Variants in SLC19A1 observed in about 807,000 individuals in gnomAD.
SLC19A1 encodes reduced folate transporter.
A neutral mutation model predicts 35.3 loss-of-function variants in SLC19A1; 37 were observed. The ratio of observed to expected loss-of-function variants is 1.05; its 90% CI spans 0.81 to 1.38. The LOEUF is 1.38. Ranked by LOEUF, SLC19A1 falls within the 40% of genes most tolerant of loss-of-function variation. The pLI, the probability that SLC19A1 is intolerant of heterozygous loss-of-function variation, is 0.00. For missense variants in SLC19A1, 831 were observed against 826.9 expected (o/e 1.00, Z -0.06); for synonymous variants, 460 against 398.5 (o/e 1.15, Z -1.84).
rs193252382 is a variant in SLC19A1 at position 45,504,235 on chromosome 21, T to C, written c.498-5623A>G. ...GATGTTCCTGTCCCCGGCTCAGTTT[T>C]TGGGGGACTCGGCTGATGCAGTGGG... On this transcript the variant is annotated intron_variant, in intron 3 of 4. Transcript: ENST00000417954. 4.5e-3 allele frequency: 4,017 copies of C among 901,032 alleles called. 43 individuals carry two copies. Among genetic ancestry groups the C allele is most frequent in the African/African-American group, 0.011 (651 of 60,110 alleles). 55.8% of individuals were successfully genotyped at this position (901,032 alleles called of 1,614,324 possible).
At position 45,531,516 on chromosome 21, in the gene SLC19A1, C is replaced by T; in HGVS notation, c.822G>A (p.Trp274Ter). 2 of 1,612,684 alleles carry T rather than the reference C, an allele frequency of 1.2e-6. No homozygotes were observed. Among genetic ancestry groups the T allele is most frequent in the Non-Finnish European group, 1.7e-6 (2 of 1,179,762 alleles). ...GGTAGTAGCCGGCCGAGTTGAAGAC[C>T]CACCAGAGGGACCACAGGCGCAGCT... ...RPQLRLWSLW[W>*]VFNSAGYYLV... The change falls in exon 3 of 6, where the codon TGG (tryptophan) becomes TGA (stop). Residue 274 changes from tryptophan to a stop codon, truncating the protein, a stop_gained. Coordinates refer to ENST00000311124, the MANE Select transcript of SLC19A1 (RefSeq NM_194255.4). LOFTEE classifies it high-confidence loss of function.
chr21:45,527,939 TTA>T (rs1491248476), intron 4 of SLC19A1, among the ~76,000 whole-genome samples: 1 of 95,188 alleles, frequency 1.1e-5, no homozygotes, highest in Non-Finnish European at 2.3e-5. Context: ...TGCAAAGTGC[TTA>T]AAAAAAAAAA....
chr21:45,506,285 C>T (rs189132273), intron 3 of SLC19A1: 231 of 383,308 alleles, frequency 6.0e-4, no homozygotes, highest in Admixed American at 2.9e-3. Context: ...AGGCGCCTGA[C>T]GGGACGAGGC....
At chr21:45,512,269 G>C, downstream of SLC19A1, 1 of 1,611,838 alleles carries the variant, frequency 6.2e-7, no homozygotes, top group South Asian at 1.1e-5. Flanking sequence ...GGCGGACGGA[G>C]GCTCCCTCGG....
At chr21:45,552,383 C>A (rs928959567) in intron 1 of SLC19A1, among the ~76,000 whole-genome samples, 4 of 152,102 alleles carry the variant, frequency 2.6e-5, no homozygotes, top group African/African-American at 9.7e-5. Flanking sequence ...CAGGGAGACC[C>A]ACAGGCTGTG....
chr21:45,540,619 C>T lies in SLC19A1; in HGVS notation c.-50+1749G>A, dbSNP rs1257106412. Among the ~76,000 whole-genome samples, 2 of 152,218 alleles carry T rather than the reference C, an allele frequency of 1.3e-5. No homozygotes were observed. Among genetic ancestry groups the T allele is most frequent in the African/African-American group, 4.8e-5 (2 of 41,462 alleles). ...GCTTGGCCATCACGGCCCAGACCAC[C>T]TCCAAGAGGAAAGATAGGGAACTTG... On this transcript the variant is annotated intron_variant, in intron 1 of 5. Coordinates refer to ENST00000311124, the MANE Select transcript of SLC19A1 (RefSeq NM_194255.4). This position sits in a 1 kb window ranked among gnomAD's most constrained non-coding sequence, Gnocchi z 5.5.
intron 4 of SLC19A1, among the ~76,000 whole-genome samples, chr21:45,528,991 C>T (rs1457666912): frequency 6.6e-6 from 1 of 152,254 alleles, no homozygotes; most frequent in Non-Finnish European, 1.5e-5. Flanking sequence ...CCCCTGGCTG[C>T]AGCAATGGGA....
rs374348834 is a variant in SLC19A1 at position 45,532,139 on chromosome 21, C to G, written c.199G>C (p.Glu67Gln). The change falls in exon 3 of 6, where the codon GAG becomes CAG. Residue 67 changes from glutamate to glutamine, a missense_variant. Physicochemically the swap from Glu to Gln is conservative, Grantham distance 29 (BLOSUM62 2). Transcript: ENST00000311124. Reference sequence around the variant, plus strand: ...GAGTACGACAGCACCGGCGTGATCTCGTTCGTGACCTGCGGACAGGCGGGC... The same window carrying G: ...GAGTACGACAGCACCGGCGTGATCTGGTTCGTGACCTGCGGACAGGCGGGC... ...KNFTREQVTN[E>Q]ITPVLSYSYL... 4 of 1,596,308 alleles carry G rather than the reference C, an allele frequency of 2.5e-6. No homozygotes were observed. Among genetic ancestry groups the G allele is most frequent in the Non-Finnish European group, 3.4e-6 (4 of 1,168,776 alleles).
At chr21:45,507,872 AGGTCAAAATCCTTGG>A (rs2037316831), downstream of SLC19A1, among the ~76,000 whole-genome samples, 1 of 152,154 alleles carries the variant, frequency 6.6e-6, no homozygotes, top group South Asian at 2.1e-4. Flanking sequence ...GCCCTCCTCA[AGGTCAAAATCCTTGG>A]GGCCAAAATC....
At position 45,523,519 on chromosome 21, in the gene SLC19A1, C is replaced by T. The variant is rs138901320; in HGVS notation, c.1293+2298G>A. Among the ~76,000 whole-genome samples, 4 of 152,316 alleles carry T rather than the reference C, an allele frequency of 2.6e-5. No homozygotes were observed. The East Asian group carries it at 7.7e-4, about 29-fold the overall frequency. On this transcript the variant is annotated intron_variant, in intron 5 of 5. Transcript: ENST00000311124. ...TCTCTGGGGAAGAACTGCTCCACCC[C>T]CTGCACCAAGCCCCCATGGGCCCTT...
At position 45,540,220 on chromosome 21, in the gene SLC19A1, G is replaced by A. The variant is rs968098789; in HGVS notation, c.-50+2148C>T. On this transcript the variant is annotated intron_variant, in intron 1 of 5. Transcript: ENST00000311124. This position sits in a 1 kb window ranked among gnomAD's most constrained non-coding sequence, Gnocchi z 5.5. Reference sequence around the variant, plus strand: ...CACTGGGAGACCCATTTGGCCCTGGGACTCCCTGTCAAGTTCACTTTCCCA... The same window carrying A: ...CACTGGGAGACCCATTTGGCCCTGGAACTCCCTGTCAAGTTCACTTTCCCA... 6.6e-6 allele frequency among the ~76,000 whole-genome samples: 1 copy of A among 152,152 alleles called. No homozygotes were observed. The highest frequency in any genetic ancestry group is 1.5e-5 in the Non-Finnish European group (1 of 68,016).
intron 1 of SLC19A1, among the ~76,000 whole-genome samples, chr21:45,557,779 A>G (rs556523393): frequency 1.4e-4 from 21 of 152,354 alleles, no homozygotes; most frequent in African/African-American, 4.8e-4. Flanking sequence ...GTCCCGGCTC[A>G]GGCTGAGCCC....
At chr21:45,524,855 C>G (rs1489982510) in intron 5 of SLC19A1, among the ~76,000 whole-genome samples, 1 of 151,600 alleles carries the variant, frequency 6.6e-6, no homozygotes, top group Non-Finnish European at 1.5e-5. Context: ...CTCACCCACC[C>G]TAAGCGTTCA....
Position 45,512,729 on chromosome 21 carries a change from CT to C in SLC19A1, c.*2928del. 1 of 419,196 alleles carries C rather than the reference CT, an allele frequency of 2.4e-6. No individual in the cohort carries two copies. The highest frequency in any genetic ancestry group is 4.4e-6 in the Non-Finnish European group (1 of 225,216). 26.0% of individuals were successfully genotyped at this position (419,196 alleles called of 1,614,324 possible). ...GGCTCGATTTCTCCAGGATTTCCTG[CT>C]TTGGGAAGCCGTGCTCGCCCCAGCA... is the stretch of plus-strand genomic sequence containing the variant. On this transcript the variant is annotated 3_prime_UTR_variant, in exon 6 of 6. Transcript: ENST00000311124.
chr21:45,535,824 G>A (rs757050276), intron 2 of SLC19A1, among the ~76,000 whole-genome samples: 11 of 152,262 alleles, frequency 7.2e-5, no homozygotes, highest in Non-Finnish European at 1.0e-4. Flanking sequence ...TCGAACCCAC[G>A]TGGAACGTCT....
In SLC19A1 at chr21:45,533,280, CG is replaced by C. The variant is rs2077995398; in HGVS notation, c.190-1133del. 2.8e-5 allele frequency among the ~76,000 whole-genome samples: 3 copies of C among 108,608 alleles called. No individual in the cohort carries two copies. Among genetic ancestry groups the C allele is most frequent in the Non-Finnish European group, 6.7e-5 (3 of 44,592 alleles). The allele number at this position is 108,608 out of a possible 152,430, so 71.3% of individuals were successfully genotyped here. ...AACACACATCCACCTTCCATGGGAA[CG>C]TGGAGCTGGGCACGGGGCTGGGGGT... On this transcript the variant is annotated intron_variant, in intron 2 of 5. Transcript: ENST00000311124. This position sits in a 1 kb window ranked among gnomAD's most constrained non-coding sequence, Gnocchi z 4.5.
intron 1 of SLC19A1, among the ~76,000 whole-genome samples, chr21:45,550,127 G>A (rs1226282371): frequency 6.6e-6 from 1 of 152,036 alleles, no homozygotes. Flanking sequence ...CCCCTCCTGG[G>A]CTGCTGTGCA....
chr21:45,532,033 C>T lies in SLC19A1; in HGVS notation c.305G>A (p.Ser102Asn). ...CAGCAGCAGCCACACCGACACGAAG[C>T]TGAGCCCCTGCAGCAGCAGCACCGG... ...YTPVLLLQGL[S>N]FVSVWLLLLL... The change falls in exon 3 of 6, where the codon AGC becomes AAC. Residue 102 changes from serine to asparagine, a missense_variant. By Grantham distance (46) the Ser-to-Asn change is conservative. Coordinates refer to ENST00000311124, the MANE Select transcript of SLC19A1 (RefSeq NM_194255.4). 6.2e-7 allele frequency: 1 copy of T among 1,612,036 alleles called. No homozygotes were observed.
intron 5 of SLC19A1, among the ~76,000 whole-genome samples, chr21:45,520,282 C>A (rs1454690462): frequency 6.6e-6 from 1 of 151,654 alleles, no homozygotes; most frequent in Non-Finnish European, 1.5e-5. Context: ...AAAAGAAGAG[C>A]AAAATAAATC....
Sources: gnomAD v4.1 joint callset for allele counts (sites outside exome capture counted in the v4.1 genomes callset) on GRCh38, gnomAD v4.1.1 for gene constraint, Gnocchi (gnomAD v3.1) non-coding constraint, MANE v1.5 for transcripts, NCBI Gene and HGNC (gene_info 2026-07-23, HGNC 2026-07-21) for gene names.